The following SNX25 variants were observed in gnomAD, a reference collection of about 807,000 sequenced individuals.
SNX25 encodes the protein sorting nexin-25.
SNX25 carries 62 observed loss-of-function variants against 113.7 expected under a neutral mutation model. The ratio of observed to expected loss-of-function variants is 0.55; its 90% CI spans 0.44 to 0.67. SNX25 has a LOEUF of 0.67. Ranked by LOEUF, SNX25 falls within the 30% of genes least tolerant of loss-of-function variation. The pLI, the probability that SNX25 is intolerant of heterozygous loss-of-function variation, is 0.00. For synonymous variants in SNX25, 421 were observed against 436.2 expected, an observed-to-expected ratio of 0.97 and a Z score of 0.43; for missense variants, 1,014 against 1,161.0, an observed-to-expected ratio of 0.87 and a Z score of 1.84.
At chr4:185,353,253 A>T in intron 14 of SNX25, 1 of 419,598 alleles carries the variant, frequency 2.4e-6, no homozygotes. Flanking sequence ...ATTATAATAC[A>T]GCGACAGATT....
rs372717788 is a variant in SNX25, at chr4:185,268,856, C to T, written c.1091+1701C>T. ...AATACATACCTCAAATACATAATGACGGGTTCAATTTACAAATATATACTC... is the reference window on the plus strand; with the variant it reads ...AATACATACCTCAAATACATAATGATGGGTTCAATTTACAAATATATACTC... On this transcript the variant is annotated intron_variant, in intron 5 of 18. Transcript: ENST00000652585. Among the ~76,000 whole-genome samples, 23 of 152,088 alleles carry T rather than the reference C, an allele frequency of 1.5e-4. No homozygotes were observed. The South Asian group carries it at 3.5e-3, about 23-fold the overall frequency.
intron 5 of SNX25, among the ~76,000 whole-genome samples, chr4:185,268,062 T>G (rs2126551799): frequency 6.6e-6 from 1 of 152,306 alleles, no homozygotes; most frequent in East Asian, 1.9e-4. Context: ...AAATCCTGTG[T>G]AAGTGGACTC....
chr4:185,346,571 C>T lies in SNX25; in HGVS notation c.2222C>T (p.Ser741Phe), dbSNP rs766013697. 1 of 1,597,574 alleles carries T rather than the reference C, an allele frequency of 6.3e-7. No individual in the cohort carries two copies. Among genetic ancestry groups the T allele is most frequent in the Non-Finnish European group, 8.5e-7 (1 of 1,175,818 alleles). The change falls in exon 13 of 19, where the codon TCT (serine) becomes TTT (phenylalanine). Residue 741 changes from serine (S) to phenylalanine (F), a missense_variant. Physicochemically the swap from Ser to Phe is radical, Grantham distance 155. Transcript: ENST00000652585. Reference sequence around the variant, plus strand: ...TCTTTAAAAAAAGTCCAGTTGCCTTCTCTTAGCAAGCTGCCTTTCAAATCT... The same window carrying T: ...TCTTTAAAAAAAGTCCAGTTGCCTTTTCTTAGCAAGCTGCCTTTCAAATCT... ...VPSLKKVQLP[S>F]LSKLPFKSID...
Position 185,210,252 on chromosome 4 carries a change from G to T in SNX25, c.426G>T (p.Pro142=). The change falls in exon 1 of 19, where the codon CCG becomes CCT. Residue 142 remains proline (P), a synonymous_variant. Transcript: ENST00000652585. The surrounding 1 kb of genome is among the most constrained non-coding windows in gnomAD (Gnocchi z 4.4). ...LAATSAARRP[P]GSPVYGNSHE... is the part of the protein sequence containing the mutation. The stretch of plus-strand genomic sequence containing the variant: ...CGACCTCAGCCGCCCGCCGCCCGCC[G>T]GGGGTAAGTACCCGACTCCTGGCCG... 2.0e-6 allele frequency: 2 copies of T among 985,006 alleles called. No homozygotes were observed. The highest frequency in any genetic ancestry group is 2.4e-6 in the Non-Finnish European group (2 of 830,106). The allele number at this position is 985,006 out of a possible 1,614,324, so 61.0% of individuals were successfully genotyped here.
chr4:185,367,000 C>T (rs965298918), downstream of SNX25: 1 of 566,674 alleles, frequency 1.8e-6, no homozygotes, highest in Non-Finnish European at 3.1e-6. Flanking sequence ...GACCTTGTGT[C>T]TAGGTTTCAA....
At chr4:185,372,967 A>G (rs1364772156), downstream of SNX25, 2 of 1,614,046 alleles carry the variant, frequency 1.2e-6, no homozygotes, top group South Asian at 2.2e-5. Context: ...TAAGCACTGC[A>G]GGGCAGCTTC....
chr4:185,325,364 T>C (rs544188644), intron 9 of SNX25, among the ~76,000 whole-genome samples: 6 of 151,972 alleles, frequency 3.9e-5, no homozygotes, highest in Non-Finnish European at 8.8e-5. Context: ...AAACCCCGTC[T>C]CTACTAAAAA....
At chr4:185,337,605 A>G (rs2095238248) in intron 10 of SNX25, among the ~76,000 whole-genome samples, 1 of 152,150 alleles carries the variant, frequency 6.6e-6, no homozygotes, top group South Asian at 2.1e-4. Context: ...TCTTTTTGGT[A>G]TATACCTAGT....
At chr4:185,315,647 A>T (rs1016650023) in intron 7 of SNX25, among the ~76,000 whole-genome samples, 1 of 152,112 alleles carries the variant, frequency 6.6e-6, no homozygotes, top group Non-Finnish European at 1.5e-5. Context: ...AATCTTAACC[A>T]TACTCTTTCA....
intron 1 of SNX25, among the ~76,000 whole-genome samples, chr4:185,241,826 G>C (rs1744103556): frequency 1.3e-5 from 2 of 152,104 alleles, no homozygotes; most frequent in Non-Finnish European, 2.9e-5. Context: ...TCAGGAAGAG[G>C]TTGTCTTTAC....
intron 2 of SNX25, among the ~76,000 whole-genome samples, chr4:185,255,891 C>A (rs1293212877): frequency 2.6e-5 from 4 of 152,174 alleles, no homozygotes; most frequent in Non-Finnish European, 5.9e-5. Context: ...TCAACCCATT[C>A]CTGTTTTTGC....
chr4:185,284,505 A>T (rs1751069886), intron 5 of SNX25, among the ~76,000 whole-genome samples: 1 of 152,214 alleles, frequency 6.6e-6, no homozygotes, highest in Non-Finnish European at 1.5e-5. Context: ...TCCAGCAGGA[A>T]ACAAAGCATG....
the SNX25 span, chr4:185,377,051 C>T: frequency 2.2e-6 from 3 of 1,390,670 alleles, no homozygotes; most frequent in Non-Finnish European, 2.0e-6. Context: ...TTCCATCAAC[C>T]ACACAATATG....
At chr4:185,378,504 C>A in the SNX25 span, 1 of 1,083,932 alleles carries the variant, frequency 9.2e-7, no homozygotes, top group Non-Finnish European at 1.1e-6. Flanking sequence ...GTCAAGTCAC[C>A]CAGCACAAGT....
intron 1 of SNX25, among the ~76,000 whole-genome samples, chr4:185,218,078 G>A (rs968840687): frequency 2.0e-5 from 3 of 152,068 alleles, no homozygotes; most frequent in Non-Finnish European, 4.4e-5. Context: ...CTTTAGTCTA[G>A]GAGTGTGTGC....
chr4:185,262,328 C>T (rs777023013), intron 3 of SNX25, among the ~76,000 whole-genome samples: 5 of 152,180 alleles, frequency 3.3e-5, no homozygotes, highest in South Asian at 2.1e-4. Flanking sequence ...CCATCTGTCT[C>T]GCTCCAGCAT....
chr4:185,251,209 G>A (rs544817550), intron 2 of SNX25, among the ~76,000 whole-genome samples: 1 of 152,110 alleles, frequency 6.6e-6, no homozygotes, highest in Non-Finnish European at 1.5e-5. Flanking sequence ...TGGCCAGGCT[G>A]GTCTCTAACT....
intron 13 of SNX25, among the ~76,000 whole-genome samples, chr4:185,351,100 G>C (rs1561045647): frequency 6.6e-6 from 1 of 152,194 alleles, no homozygotes; most frequent in Non-Finnish European, 1.5e-5. Context: ...ACTGAAAGTT[G>C]TATTTCAAAA....
downstream of SNX25, chr4:185,367,245 C>A (rs774957920): frequency 6.2e-7 from 1 of 1,609,170 alleles, no homozygotes; most frequent in Non-Finnish European, 8.5e-7. Context: ...AGACGACAAG[C>A]CTTAAAATCA....
Sources: allele counts gnomAD v4.1 joint callset (sites outside exome capture counted in the v4.1 genomes callset), GRCh38; gene constraint gnomAD v4.1.1; non-coding constraint Gnocchi (gnomAD v3.1); transcripts MANE v1.5; gene names NCBI Gene and HGNC (gene_info 2026-07-23, HGNC 2026-07-21).